The following RBM17 variants were observed in gnomAD, a reference collection of about 807,000 sequenced individuals.
The protein encoded by RBM17 is RNA binding motif protein 17.
RBM17 carries 7 observed loss-of-function variants against 53.2 expected under a neutral mutation model. The ratio of observed to expected loss-of-function variants is 0.13; its 90% CI spans 0.07 to 0.25. The LOEUF (loss-of-function observed/expected upper bound fraction) is 0.25, where lower values mean the gene tolerates loss of function less well. Among genes scored for constraint, RBM17 ranks in the 10% least tolerant of loss-of-function variants. The pLI is 1.00. For missense variants in RBM17, 257 were observed against 496.7 expected, an observed-to-expected ratio of 0.52 and a Z score of 4.59; for synonymous variants, 167 against 178.1, an observed-to-expected ratio of 0.94 and a Z score of 0.50.
Position 6,110,062 on chromosome 10 carries a change from G to A in RBM17, c.639G>A (p.Val213=), listed in dbSNP as rs748746777. 2 of 1,612,764 alleles carry A rather than the reference G, an allele frequency of 1.2e-6. No homozygotes were observed. Among genetic ancestry groups the A allele is most frequent in the South Asian group, 1.1e-5 (1 of 90,886 alleles). Reference sequence around the variant, plus strand: ...CCAAAGCAGCCATTCCTCCCCCAGTGTACGAGGAACAAGACAGACCGAGAT... The same window carrying A: ...CCAAAGCAGCCATTCCTCCCCCAGTATACGAGGAACAAGACAGACCGAGAT... ...QSSKAAIPPP[V]YEEQDRPRSP... The change falls in exon 7 of 12, where the codon GTG becomes GTA. Residue 213 remains valine, a synonymous_variant. Transcript: ENST00000379888.
At chr10:6,106,619 A>G (rs1840752228) in intron 5 of RBM17, among the ~76,000 whole-genome samples, 1 of 152,204 alleles carries the variant, frequency 6.6e-6, no homozygotes, top group Non-Finnish European at 1.5e-5. Flanking sequence ...GACACATTTC[A>G]TATCCGCTAT....
chr10:6,091,023 A>ACATATATT (rs1564564068), intron 1 of RBM17, among the ~76,000 whole-genome samples: 231 of 123,072 alleles, frequency 1.9e-3, no homozygotes, highest in Non-Finnish European at 3.1e-3. Flanking sequence ...TTATATATTT[A>ACATATATT]TATATATTTA....
At chr10:6,093,225 TA>T (rs1254726352) in intron 1 of RBM17, among the ~76,000 whole-genome samples, 1 of 152,202 alleles carries the variant, frequency 6.6e-6, no homozygotes, top group Non-Finnish European at 1.5e-5. Context: ...TTTTTTATTT[TA>T]TTTTTTTGAG....
intron 6 of RBM17, 25 bp downstream of exon 6, chr10:6,108,767 T>C: frequency 6.3e-7 from 1 of 1,577,072 alleles, no homozygotes. Flanking sequence ...TTCTTCCTCT[T>C]TTATTCTGAT....
intron 7 of RBM17, among the ~76,000 whole-genome samples, chr10:6,111,066 A>G (rs1199755330): frequency 6.6e-6 from 1 of 152,250 alleles, no homozygotes; most frequent in Non-Finnish European, 1.5e-5. Context: ...GCAAGATGGT[A>G]CCATTCAGCA....
In RBM17 at chr10:6,112,034, C is replaced by G. The variant is rs955350028; in HGVS notation, c.705-176C>G. 6.6e-6 allele frequency among the ~76,000 whole-genome samples: 1 copy of G among 152,110 alleles called. No homozygotes were observed. The highest frequency in any genetic ancestry group is 1.5e-5 in the Non-Finnish European group (1 of 68,008). On this transcript the variant is annotated intron_variant, in intron 7 of 11. Coordinates refer to ENST00000379888, the MANE Select transcript of RBM17 (RefSeq NM_032905.5). The surrounding 1 kb of genome is among the most constrained non-coding windows in gnomAD (Gnocchi z 4.4). ...CATAGCTTTTTCTATTTCTTTCATG[C>G]TGCACATCCCCACAGCTTCCATCTA...
chr10:6,105,510 A>C (rs1478324045), intron 4 of RBM17, among the ~76,000 whole-genome samples: 1 of 152,222 alleles, frequency 6.6e-6, no homozygotes, highest in East Asian at 1.9e-4. Context: ...TGAACTGGTA[A>C]TTGTAATGCA....
In RBM17 at chr10:6,101,297, C is replaced by A; in HGVS notation, c.150C>A (p.Val50=). 1.2e-6 allele frequency: 2 copies of A among 1,612,790 alleles called. No individual in the cohort carries two copies. The highest frequency in any genetic ancestry group is 1.3e-5 in the African/African-American group (1 of 75,014). The part of the protein sequence containing the change: ...AKSQRTKQST[V]LAPVIDLKRG... ...GCCAAAGGACGAAACAAAGTACAGT[C>A]CTCGCCCCAGTCATTGACCTGAAGC... Residue 50 remains valine, a synonymous_variant, in exon 3 of 12, where the codon GTC becomes GTA. Transcript: ENST00000379888.
intron 2 of RBM17, among the ~76,000 whole-genome samples, chr10:6,097,588 G>A (rs1241786825): frequency 3.3e-5 from 5 of 152,160 alleles, no homozygotes; most frequent in African/African-American, 4.8e-5. Context: ...GGAGAATGGC[G>A]TGAACCCGGG....
intron 1 of RBM17, among the ~76,000 whole-genome samples, chr10:6,091,998 CT>C (rs761721399): frequency 7.2e-5 from 11 of 152,176 alleles, no homozygotes; most frequent in Admixed American, 4.6e-4. Context: ...TACTTTCCAG[CT>C]TGGGTGGAAT....
In RBM17 at chr10:6,114,157, T is replaced by G. The variant is rs1269523301; in HGVS notation, c.1029+10T>G. ...ATGTGTGATATTTGAAGTAAGAGTG[T>G]TTTCTTTTGATGTTTATAACACAAG... On this transcript the variant is annotated intron_variant, in intron 10 of 11. Transcript: ENST00000379888. 6.7e-7 allele frequency: 1 copy of G among 1,491,426 alleles called. No homozygotes were observed. Among genetic ancestry groups the G allele is most frequent in the South Asian group, 1.1e-5 (1 of 87,226 alleles). 92.4% of individuals were successfully genotyped at this position (1,491,426 alleles called of 1,614,324 possible).
intron 5 of RBM17, among the ~76,000 whole-genome samples, chr10:6,107,612 G>A (rs138509122): frequency 0.04 from 5,902 of 148,424 alleles, 215 homozygotes; most frequent in African/African-American, 0.099. Context: ...CTCCCAAGTA[G>A]CTGGGATTAC....
At chr10:6,107,869 ATTG>A (rs769294496) in intron 5 of RBM17, among the ~76,000 whole-genome samples, 2 of 151,992 alleles carry the variant, frequency 1.3e-5, no homozygotes, top group Non-Finnish European at 2.9e-5. Context: ...TTTTTATTTC[ATTG>A]TTGATTAAGC....
chr10:6,111,437 T>C (rs1840836064), intron 7 of RBM17, among the ~76,000 whole-genome samples: 1 of 152,240 alleles, frequency 6.6e-6, no homozygotes, highest in Non-Finnish European at 1.5e-5. Context: ...CCTCCCAGGT[T>C]CAAGCAGTTC....
intron 5 of RBM17, 163 bp from the exon 6 acceptor site, chr10:6,108,523 A>T: frequency 1.9e-6 from 1 of 520,166 alleles, no homozygotes; most frequent in Non-Finnish European, 3.5e-6. Flanking sequence ...AAATCCTAGC[A>T]TCAGAGGTTT....
intron 3 of RBM17, among the ~76,000 whole-genome samples, chr10:6,102,289 A>T (rs1430868446): frequency 2.6e-5 from 4 of 152,168 alleles, no homozygotes; most frequent in Non-Finnish European, 5.9e-5. Context: ...GGGCTGCATC[A>T]GGCTGGGGCA....
chr10:6,109,183 GCGTTGC>G (rs1057051422), intron 6 of RBM17, among the ~76,000 whole-genome samples: 19 of 151,966 alleles, frequency 1.3e-4, no homozygotes, highest in African/African-American at 4.6e-4. Context: ...GCGTGTCATT[GCGTTGC>G]CAAAACACCC....
intron 5 of RBM17, among the ~76,000 whole-genome samples, chr10:6,107,422 C>G (rs1291199518): frequency 6.6e-6 from 1 of 151,438 alleles, no homozygotes; most frequent in African/African-American, 2.4e-5. Context: ...AAGTGATCCA[C>G]CCACCTCAGC....
chr10:6,098,556 GTTTTTTGTTTTT>G lies in RBM17; in HGVS notation c.123+1375_123+1386del, dbSNP rs1368120314. On this transcript the variant is annotated intron_variant, in intron 2 of 11. Coordinates refer to ENST00000379888, the MANE Select transcript of RBM17 (RefSeq NM_032905.5). ...GTTTGAAAATTTCCGTAATACACAG[GTTTTTTGTTTTT>G]TTTTTTTTTTTTTTTTTTTTTTTTT... Among the ~76,000 whole-genome samples, 447 of 87,932 alleles carry G rather than the reference GTTTTTTGTTTTT, an allele frequency of 5.1e-3. 39 individuals are homozygous for G. The highest frequency in any genetic ancestry group is 0.017 in the African/African-American group (426 of 24,744). 57.7% of individuals were successfully genotyped at this position (87,932 alleles called of 152,430 possible). A position where few individuals can be genotyped will look rare whatever the true frequency, so the allele number is the denominator to read the frequency against.
Sources: gnomAD v4.1 joint callset for allele counts (sites outside exome capture counted in the v4.1 genomes callset) on GRCh38, gnomAD v4.1.1 for gene constraint, Gnocchi (gnomAD v3.1) non-coding constraint, MANE v1.5 for transcripts, NCBI Gene and HGNC (gene_info 2026-07-23, HGNC 2026-07-21) for gene names.